The following PAX6 variants were observed in gnomAD, a reference collection of about 807,000 sequenced individuals.
PAX6 encodes the protein paired box 6.
In PAX6, 7 loss-of-function variants were observed where a neutral mutation model predicts 60.7. The observed-to-expected ratio is 0.12, with a 90% CI of 0.07 to 0.22. The LOEUF is 0.22. Among genes scored for constraint, PAX6 ranks in the 10% least tolerant of loss-of-function variants. PAX6 has a pLI of 1.00. For missense variants in PAX6, 355 were observed against 555.2 expected (o/e 0.64, Z 3.62); for synonymous variants, 208 against 201.2 (o/e 1.03, Z -0.29).
At chr11:31,809,816 A>G (rs927516629) in intron 2 of PAX6, 2 of 152,320 alleles carry the variant, frequency 1.3e-5, no homozygotes, top group African/African-American at 4.8e-5. Flanking sequence ...AAAACAAACA[A>G]AAAAGCAAAC....
intron 8 of PAX6, among the ~76,000 whole-genome samples, chr11:31,797,390 CAT>C (rs1316883511): frequency 1.3e-5 from 2 of 151,742 alleles, no homozygotes; most frequent in Non-Finnish European, 2.9e-5. Context: ...CTCACACAAA[CAT>C]ACACACGGGT....
In PAX6 at chr11:31,789,090, A is replaced by G. The variant is rs1948996324; in HGVS notation, c.*844T>C. 1 of 202,520 alleles carries G rather than the reference A, an allele frequency of 4.9e-6. No individual in the cohort carries two copies. Among genetic ancestry groups the G allele is most frequent in the African/African-American group, 2.3e-5 (1 of 43,698 alleles). The allele number at this position is 202,520 out of a possible 1,614,324, so 12.5% of individuals were successfully genotyped here. A position where few individuals can be genotyped will look rare whatever the true frequency, so the allele number is the denominator to read the frequency against. On this transcript the variant is annotated 3_prime_UTR_variant, in exon 14 of 14. Transcript: ENST00000640368. ...AACTCTAGATGCACAAAATGATTGG[A>G]CCGTGAACAGTAATACAACTATATC... is the stretch of plus-strand genomic sequence containing the variant.
chr11:31,790,794 G>A lies in PAX6; in HGVS notation c.1141C>T (p.Arg381Trp). Reference protein sequence around the residue: ...MLPTSPSVNGRSYDTYTPPHM... With the variant: ...MLPTSPSVNGWSYDTYTPPHM... ...GGGGGGGTGTAGGTATCATAACTCC[G>A]CCCATTCACCGAAGGGCTGGTGGGC... The change falls in exon 13 of 14, where the codon CGG becomes TGG. Residue 381 changes from arginine to tryptophan, a missense_variant. By Grantham distance (101) the Arg-to-Trp change is moderately radical. Coordinates refer to ENST00000640368, the MANE Select transcript of PAX6 (RefSeq NM_001368894.2). 3 of 1,614,008 alleles carry A rather than the reference G, an allele frequency of 1.9e-6. No homozygotes were observed. Among genetic ancestry groups the A allele is most frequent in the Non-Finnish European group, 1.7e-6 (2 of 1,179,984 alleles).
In PAX6 at chr11:31,800,054, T is replaced by A. The variant is rs368744504; in HGVS notation, c.565+637A>T. Among the ~76,000 whole-genome samples, 10 of 150,650 alleles carry A rather than the reference T, an allele frequency of 6.6e-5. No individual in the cohort carries two copies. The East Asian group carries it at 1.4e-3, about 21-fold the overall frequency. On this transcript the variant is annotated intron_variant, in intron 8 of 13. Coordinates refer to ENST00000640368, the MANE Select transcript of PAX6 (RefSeq NM_001368894.2). The stretch of plus-strand genomic sequence containing the variant: ...TCCCAGACCAGAGCGGCTCCCGGCA[T>A]CCCGCCGTCCTGCTCACAGTATCTT...
Position 31,810,870 on chromosome 11 carries a change from A to G in PAX6, c.-171T>C, listed in dbSNP as rs1181003883. The G allele has an allele frequency of 1.0e-5, 4 of 398,926 alleles. No homozygotes were observed. Among genetic ancestry groups the G allele is most frequent in the African/African-American group, 8.2e-5 (4 of 48,590 alleles). 24.7% of individuals were successfully genotyped at this position (398,926 alleles called of 1,614,324 possible). Reference sequence around the variant, plus strand: ...TCTGGTTGTCACAGCTTCTGTCAAGAGTTTTGTTTGGTTGGGGTTTTTTGT... The same window carrying G: ...TCTGGTTGTCACAGCTTCTGTCAAGGGTTTTGTTTGGTTGGGGTTTTTTGT... On this transcript the variant is annotated 5_prime_UTR_variant, in exon 2 of 14. Coordinates refer to ENST00000640368, the MANE Select transcript of PAX6 (RefSeq NM_001368894.2).
intron 8 of PAX6, 50 bp downstream of exon 8, chr11:31,800,641 C>T: frequency 1.2e-6 from 2 of 1,604,908 alleles, no homozygotes; most frequent in South Asian, 1.1e-5. Flanking sequence ...AGGGGACAGG[C>T]AAAGGGATGC....
rs560435847 is a variant in PAX6, at chr11:31,816,623, A to G, written c.-317+1186T>C. ...CTCCAGGGAGAGGAACCCGCGGAGG[A>G]GAGGATCCCGGCCCAGGTAAGGCGT... On this transcript the variant is annotated intron_variant, in intron 1 of 12. Coordinates refer to the PAX6 transcript ENST00000241001. 311 of 702,482 alleles carry G rather than the reference A, an allele frequency of 4.4e-4. 1 individual carries two copies. In the Middle Eastern group the frequency reaches 4.6e-3, roughly 10 times the overall value. The allele number at this position is 702,482 out of a possible 1,614,324, so 43.5% of individuals were successfully genotyped here.
chr11:31,806,624 T>C (rs1955875376), intron 3 of PAX6, 162 bp from the exon 4 acceptor site: 2 of 609,976 alleles, frequency 3.3e-6, no homozygotes, highest in Non-Finnish European at 5.9e-6. Flanking sequence ...AGCTCTGCCC[T>C]GCAGTGCATA....
At chr11:31,801,816 AT>A in intron 6 of PAX6, 40 bp from the exon 7 acceptor site, 1 of 1,614,154 alleles carries the variant, frequency 6.2e-7, no homozygotes, top group South Asian at 1.1e-5. Flanking sequence ...ATTATTAATA[AT>A]TTCAAGACAA....
intron 2 of PAX6, chr11:31,808,681 T>A (rs1956407429): frequency 6.6e-6 from 1 of 151,884 alleles, no homozygotes; most frequent in African/African-American, 2.4e-5. Flanking sequence ...AGAGGCCTCG[T>A]TGATTAGTTT....
upstream of PAX6, among the ~76,000 whole-genome samples, chr11:31,815,728 G>C (rs7950113): frequency 0.025 from 3,789 of 151,608 alleles, 151 homozygotes; most frequent in African/African-American, 0.088. Context: ...GCGGCAGCCA[G>C]GGATCAAAAG....
At chr11:31,804,673 T>C (rs936235946) in intron 4 of PAX6, 1 of 152,224 alleles carries the variant, frequency 6.6e-6, no homozygotes, top group African/African-American at 2.4e-5. Context: ...GAGCCCCACC[T>C]CTAGGCACAG....
At chr11:31,797,712 A>G (rs1035876664) in intron 8 of PAX6, among the ~76,000 whole-genome samples, 2 of 152,130 alleles carry the variant, frequency 1.3e-5, no homozygotes, top group Non-Finnish European at 2.9e-5. Flanking sequence ...CCCCCACTTT[A>G]GTGGATTTGC....
At chr11:31,792,527 G>A (rs1950249134) in intron 12 of PAX6, 1 of 152,280 alleles carries the variant, frequency 6.6e-6, no homozygotes, top group Admixed American at 6.5e-5. Flanking sequence ...GGCTCATGCT[G>A]GCCAATATCG....
At chr11:31,811,070 A>G in intron 1 of PAX6, 45 bp downstream of exon 1, 1 of 399,252 alleles carries the variant, frequency 2.5e-6, no homozygotes. Context: ...CTGGAGAGTG[A>G]GAGATAAAGA....
chr11:31,789,486 A>AAGTT lies in PAX6; in HGVS notation c.*447_*448insAACT. On this transcript the variant is annotated 3_prime_UTR_variant, in exon 14 of 14. Coordinates refer to ENST00000640368, the MANE Select transcript of PAX6 (RefSeq NM_001368894.2). ...TGATACAAACTTGGAACATCAGTCCATAAACTATGAACAGATGGGTAGAAG... is the reference window on the plus strand; with the variant it reads ...TGATACAAACTTGGAACATCAGTCCAAGTTTAAACTATGAACAGATGGGTAGAAG... 1.8e-6 allele frequency: 1 copy of AAGTT among 544,348 alleles called. No individual in the cohort carries two copies. The highest frequency in any genetic ancestry group is 3.2e-6 in the Non-Finnish European group (1 of 310,788). 33.7% of individuals were successfully genotyped at this position (544,348 alleles called of 1,614,324 possible).
chr11:31,803,048 G>T (rs547695320), intron 4 of PAX6: 3 of 611,814 alleles, frequency 4.9e-6, no homozygotes, highest in East Asian at 2.9e-5. Flanking sequence ...TCAGTTCCCT[G>T]CTATCGATCA....
At chr11:31,803,949 A>T (rs1226795948) in intron 4 of PAX6, 2 of 152,220 alleles carry the variant, frequency 1.3e-5, no homozygotes, top group East Asian at 3.9e-4. Flanking sequence ...AAAAATCTCC[A>T]ACCTGCAGCC....
intron 12 of PAX6, 197 bp from the exon 13 acceptor site, chr11:31,791,057 G>A: frequency 2.8e-6 from 2 of 702,208 alleles, no homozygotes; most frequent in Non-Finnish European, 5.1e-6. Context: ...CTAGAAGAAA[G>A]CTGCCTATGT....
Sources: allele counts gnomAD v4.1 joint callset (sites outside exome capture counted in the v4.1 genomes callset), GRCh38; gene constraint gnomAD v4.1.1; transcripts MANE v1.5; gene names NCBI Gene and HGNC (gene_info 2026-07-23, HGNC 2026-07-21).